RAB8B: variants seen among roughly 807,000 people sequenced by gnomAD.
The protein encoded by RAB8B is RAB8B, member RAS oncogene family.
Under a neutral mutation model 32.0 loss-of-function variants are expected in RAB8B, and 11 were observed. The ratio of observed to expected loss-of-function variants is 0.34; its 90% CI spans 0.22 to 0.57. The LOEUF (loss-of-function observed/expected upper bound fraction) is 0.57, where lower values mean the gene tolerates loss of function less well. Among genes scored for constraint, RAB8B ranks in the 20% least tolerant of loss-of-function variants. RAB8B has a pLI of 0.86. For synonymous variants in RAB8B, 103 were observed against 89.6 expected, an observed-to-expected ratio of 1.15 and a Z score of -0.85; for missense variants, 190 against 258.5, an observed-to-expected ratio of 0.73 and a Z score of 1.82.
chr15:63,249,962 C>G (rs2038102586), intron 3 of RAB8B, among the ~76,000 whole-genome samples: 1 of 151,138 alleles, frequency 6.6e-6, no homozygotes, highest in East Asian at 1.9e-4. Context: ...AGGTGAAACC[C>G]CGTCTCTACT....
intron 1 of RAB8B, among the ~76,000 whole-genome samples, chr15:63,192,663 G>A (rs1363376034): frequency 2.0e-5 from 3 of 152,222 alleles, no homozygotes; most frequent in Admixed American, 6.5e-5. Context: ...CAAAGTTTTA[G>A]TAGTTTTAAA....
chr15:63,256,601 G>A lies in RAB8B; in HGVS notation c.414+7G>A. The A allele has an allele frequency of 6.4e-7, 1 of 1,568,942 alleles. No individual in the cohort carries two copies. ...AAAAGAAAGAGGGGAGAAGGTAAAT[G>A]TGAATGGAATGGATAAAGGTTGGAA... On this transcript the variant is annotated splice_region_variant and intron_variant, in intron 5 of 7. Transcript: ENST00000321437.
chr15:63,226,819 AAAAGAATGG>A (rs1384854405), intron 1 of RAB8B, among the ~76,000 whole-genome samples: 1 of 152,228 alleles, frequency 6.6e-6, no homozygotes, highest in Non-Finnish European at 1.5e-5. Flanking sequence ...GTAAATGAGT[AAAAGAATGG>A]CTACTCCATA....
In RAB8B at chr15:63,263,812, A is replaced by AACATGGAAGCAATGAAGTGGAGAC. The variant is rs2038221352; in HGVS notation, c.*199_*222dup. ...GCAAAAGAACAGACTCCCTTTTTCAAACATGGAAGCAATGAAGTGGAGACA... is the reference window on the plus strand; with the variant it reads ...GCAAAAGAACAGACTCCCTTTTTCAAACATGGAAGCAATGAAGTGGAGACACATGGAAGCAATGAAGTGGAGACA... On this transcript the variant is annotated 3_prime_UTR_variant, in exon 8 of 8. Transcript: ENST00000321437. The AACATGGAAGCAATGAAGTGGAGAC allele has an allele frequency of 2.0e-6, 1 of 508,184 alleles. No individual in the cohort carries two copies. Among genetic ancestry groups the AACATGGAAGCAATGAAGTGGAGAC allele is most frequent in the South Asian group, 3.4e-5 (1 of 29,828 alleles). 31.5% of individuals were successfully genotyped at this position (508,184 alleles called of 1,614,324 possible).
At chr15:63,256,736 C>G (rs2038161895) in intron 5 of RAB8B, 142 bp downstream of exon 5, 1 of 638,350 alleles carries the variant, frequency 1.6e-6, no homozygotes, top group African/African-American at 1.9e-5. Flanking sequence ...GAGATGTAAT[C>G]CATACTTGAA....
At chr15:63,232,175 C>T (rs1331379523) in intron 1 of RAB8B, among the ~76,000 whole-genome samples, 1 of 151,936 alleles carries the variant, frequency 6.6e-6, no homozygotes, top group African/African-American at 2.4e-5. Flanking sequence ...ATTTAGAAAC[C>T]TTTTATTTAT....
At chr15:63,252,392 G>A (rs2038123634) in intron 3 of RAB8B, among the ~76,000 whole-genome samples, 1 of 152,194 alleles carries the variant, frequency 6.6e-6, no homozygotes. Context: ...TGGAGACTGA[G>A]AGGAATAAAA....
At chr15:63,231,257 G>A (rs1317060063) in intron 1 of RAB8B, among the ~76,000 whole-genome samples, 1 of 152,154 alleles carries the variant, frequency 6.6e-6, no homozygotes, top group African/African-American at 2.4e-5. Context: ...GTACTATGTA[G>A]TGTTATTACT....
At chr15:63,209,184 A>G (rs1052244037) in intron 1 of RAB8B, among the ~76,000 whole-genome samples, 4 of 151,564 alleles carry the variant, frequency 2.6e-5, no homozygotes, top group African/African-American at 9.7e-5. Flanking sequence ...TTCCTTTAGG[A>G]CAGAAACATG....
intron 1 of RAB8B, among the ~76,000 whole-genome samples, chr15:63,233,734 A>G (rs2037954713): frequency 6.6e-6 from 1 of 152,246 alleles, no homozygotes. Flanking sequence ...TAAATATACA[A>G]ACCACATAAC....
rs1182534218 is a variant in RAB8B at position 63,266,865 on chromosome 15, A to G, written c.*3246A>G. 6.6e-6 allele frequency: 1 copy of G among 152,622 alleles called. No homozygotes were observed. The highest frequency in any genetic ancestry group is 1.5e-5 in the Non-Finnish European group (1 of 68,016). 9.5% of individuals were successfully genotyped at this position (152,622 alleles called of 1,614,324 possible). A position where few individuals can be genotyped will look rare whatever the true frequency, so the allele number is the denominator to read the frequency against. ...GTTTTTCCTGTGATCAGTAAGTGAC[A>G]CATTTAAGCAGACATTCTTTTCAAG... On this transcript the variant is annotated 3_prime_UTR_variant, in exon 8 of 8. Transcript: ENST00000321437.
rs187148478 is a variant in RAB8B at position 63,247,886 on chromosome 15, C to T, written c.186-1759C>T. 6.6e-4 allele frequency among the ~76,000 whole-genome samples: 101 copies of T among 152,272 alleles called. 1 individual carries two copies. Among genetic ancestry groups the T allele is most frequent in the African/African-American group, 2.4e-3 (99 of 41,566 alleles). On this transcript the variant is annotated intron_variant, in intron 2 of 7. Transcript: ENST00000321437. ...GCCCTGGAACATAGTGATTGGCTTC[C>T]TAGTGGTTTCCAGTGTACTTCACTG...
intron 1 of RAB8B, among the ~76,000 whole-genome samples, chr15:63,193,806 A>C (rs761782218): frequency 6.8e-6 from 1 of 146,918 alleles, no homozygotes; most frequent in African/African-American, 2.5e-5. Context: ...GCAAGACTCC[A>C]TCTCAAAAAA....
chr15:63,220,256 T>C (rs755557682), intron 1 of RAB8B, among the ~76,000 whole-genome samples: 1 of 152,242 alleles, frequency 6.6e-6, no homozygotes, highest in Non-Finnish European at 1.5e-5. Context: ...TTCATTTCTC[T>C]AGAAGAGACT....
intron 1 of RAB8B, among the ~76,000 whole-genome samples, chr15:63,219,475 A>T (rs1450785433): frequency 1.3e-5 from 2 of 150,912 alleles, no homozygotes; most frequent in Non-Finnish European, 2.9e-5. Context: ...AAATGGAGGG[A>T]AAGAGAACAG....
chr15:63,235,402 G>A (rs1373053886), intron 1 of RAB8B, among the ~76,000 whole-genome samples: 1 of 152,028 alleles, frequency 6.6e-6, no homozygotes. Flanking sequence ...ATACCTCCAT[G>A]TATGTTTTCC....
At chr15:63,199,029 A>G (rs753396269) in intron 1 of RAB8B, among the ~76,000 whole-genome samples, 2 of 152,232 alleles carry the variant, frequency 1.3e-5, no homozygotes, top group Non-Finnish European at 2.9e-5. Flanking sequence ...TCTCTTCTAA[A>G]TATCTCTGAG....
At chr15:63,191,919 C>A (rs1192812840) in intron 1 of RAB8B, among the ~76,000 whole-genome samples, 2 of 152,126 alleles carry the variant, frequency 1.3e-5, no homozygotes, top group Non-Finnish European at 2.9e-5. Context: ...TCAAGTCTAT[C>A]AGTGGATTTC....
At chr15:63,207,662 C>T (rs57979981) in intron 1 of RAB8B, among the ~76,000 whole-genome samples, 43 of 152,034 alleles carry the variant, frequency 2.8e-4, no homozygotes, top group African/African-American at 9.6e-4. Flanking sequence ...TGGGTTCAAG[C>T]GATTCCCTTG....
Sources: gnomAD v4.1 joint callset for allele counts (sites outside exome capture counted in the v4.1 genomes callset) on GRCh38, gnomAD v4.1.1 for gene constraint, MANE v1.5 for transcripts, NCBI Gene and HGNC (gene_info 2026-07-23, HGNC 2026-07-21) for gene names.